The following ATE1 variants were observed in gnomAD, a reference collection of about 807,000 sequenced individuals.
ATE1 encodes arginyltransferase 1.
In ATE1, 36 loss-of-function variants were observed where a neutral mutation model predicts 70.5. The ratio of observed to expected loss-of-function variants is 0.51; its 90% CI spans 0.39 to 0.67. The LOEUF is 0.67. ATE1 is among the 30% of genes least tolerant of loss of function. The pLI is 0.00. For missense variants in ATE1, 593 were observed against 629.5 expected (o/e 0.94, Z 0.62); for synonymous variants, 232 against 219.3 (o/e 1.06, Z -0.51).
intron 10 of ATE1, among the ~76,000 whole-genome samples, chr10:121,819,218 C>T (rs774228125): frequency 4.0e-4 from 61 of 152,166 alleles, no homozygotes; most frequent in Non-Finnish European, 6.2e-4. Flanking sequence ...GAATATCATT[C>T]TCTTGGAATG....
intron 10 of ATE1, among the ~76,000 whole-genome samples, chr10:121,812,501 A>C (rs1947366196): frequency 6.6e-6 from 1 of 152,170 alleles, no homozygotes; most frequent in Non-Finnish European, 1.5e-5. Context: ...TGGCCTATCA[A>C]GGTAGTCAGG....
intron 11 of ATE1, among the ~76,000 whole-genome samples, chr10:121,786,546 G>A (rs1381401494): frequency 2.6e-5 from 4 of 151,890 alleles, no homozygotes; most frequent in African/African-American, 9.7e-5. Flanking sequence ...ATGTGCACCT[G>A]TAGTCCCAGC....
rs560493840 is a variant in ATE1 at position 121,749,488 on chromosome 10, A to T, written c.1379-5630T>A. Among the ~76,000 whole-genome samples the T allele has an allele frequency of 9.2e-5, 14 of 152,336 alleles. No individual in the cohort carries two copies. In the South Asian group the frequency reaches 2.9e-3, roughly 32 times the overall value. Reference sequence around the variant, plus strand: ...GCAGTACTTTAGAAAAAGGAAACACAGATCAACAAGACATACAGTGATAGA... The same window carrying T: ...GCAGTACTTTAGAAAAAGGAAACACTGATCAACAAGACATACAGTGATAGA... On this transcript the variant is annotated intron_variant, in intron 11 of 11. Transcript: ENST00000224652.
chr10:121,788,512 A>G (rs1260284981), intron 11 of ATE1, among the ~76,000 whole-genome samples: 1 of 152,196 alleles, frequency 6.6e-6, no homozygotes, highest in Non-Finnish European at 1.5e-5. Flanking sequence ...GTAACAAAAT[A>G]CATTACATGG....
At chr10:121,827,837 C>T (rs530577168) in intron 10 of ATE1, among the ~76,000 whole-genome samples, 2 of 152,124 alleles carry the variant, frequency 1.3e-5, no homozygotes, top group African/African-American at 4.8e-5. Flanking sequence ...TATTGAAAAC[C>T]CATAAACAAT....
chr10:121,752,450 C>T (rs1055180417), intron 11 of ATE1, among the ~76,000 whole-genome samples: 1 of 151,804 alleles, frequency 6.6e-6, no homozygotes, highest in Non-Finnish European at 1.5e-5. Context: ...ATGATGGTCT[C>T]GATCTCCTGA....
intron 11 of ATE1, among the ~76,000 whole-genome samples, chr10:121,776,972 G>A (rs540725654): frequency 3.3e-5 from 5 of 152,284 alleles, no homozygotes; most frequent in South Asian, 4.1e-4. Context: ...CACTAACTTG[G>A]GTGTTCTGGA....
chr10:121,898,899 T>A (rs928179878), intron 7 of ATE1: 1 of 1,613,968 alleles, frequency 6.2e-7, no homozygotes, highest in African/African-American at 1.3e-5. Flanking sequence ...ATACTTGACA[T>A]ACAAAGAAAA....
At chr10:121,767,015 T>C (rs1356465328) in intron 11 of ATE1, among the ~76,000 whole-genome samples, 1 of 152,146 alleles carries the variant, frequency 6.6e-6, no homozygotes, top group East Asian at 1.9e-4. Flanking sequence ...TGAACACAGA[T>C]GTAGAAGTCC....
intron 6 of ATE1, 48 bp downstream of exon 6, chr10:121,902,343 A>G: frequency 1.3e-6 from 2 of 1,521,924 alleles, no homozygotes; most frequent in Non-Finnish European, 1.8e-6. Flanking sequence ...ATATGCCCAA[A>G]CAAAAAAAAA....
At chr10:121,857,043 T>G (rs139483503) in intron 8 of ATE1, among the ~76,000 whole-genome samples, 186 of 152,368 alleles carry the variant, frequency 1.2e-3, no homozygotes, top group African/African-American at 4.2e-3. Context: ...TTATTTATAG[T>G]AAAACATCCA....
intron 10 of ATE1, among the ~76,000 whole-genome samples, chr10:121,819,257 T>C (rs1020454140): frequency 2.0e-5 from 3 of 152,190 alleles, no homozygotes; most frequent in African/African-American, 7.2e-5. Flanking sequence ...TTTCTGATCC[T>C]TTTACTCTAA....
intron 7 of ATE1, among the ~76,000 whole-genome samples, chr10:121,873,308 C>A (rs571844545): frequency 6.6e-6 from 1 of 152,096 alleles, no homozygotes; most frequent in African/African-American, 2.4e-5. Flanking sequence ...GGCATCAGTA[C>A]CATTTTCAAA....
At chr10:121,894,428 T>A (rs1950697210) in intron 7 of ATE1, among the ~76,000 whole-genome samples, 1 of 152,078 alleles carries the variant, frequency 6.6e-6, no homozygotes, top group African/African-American at 2.4e-5. Context: ...CAAACAAGAA[T>A]CACAACATGG....
intron 10 of ATE1, among the ~76,000 whole-genome samples, chr10:121,816,836 AAAG>A (rs1436657169): frequency 1.3e-5 from 2 of 152,222 alleles, no homozygotes; most frequent in Non-Finnish European, 2.9e-5. Flanking sequence ...TTTCATCTAA[AAAG>A]AAGCCTTTCA....
chr10:121,913,781 C>T lies in ATE1; in HGVS notation c.337+9G>A, dbSNP rs1470749110. 2 of 1,585,902 alleles carry T rather than the reference C, an allele frequency of 1.3e-6. No homozygotes were observed. The highest frequency in any genetic ancestry group is 2.2e-5 in the South Asian group (2 of 89,396). ...ATAGTAAATCGTTTTTAGACCCAGC[C>T]CATCTTACCCTCACAACTTCCTTTG... On this transcript the variant is annotated intron_variant, in intron 4 of 11. Coordinates refer to ENST00000224652, the MANE Select transcript of ATE1 (RefSeq NM_001001976.3).
At chr10:121,829,213 A>C (rs1379303383) in intron 10 of ATE1, among the ~76,000 whole-genome samples, 4 of 152,120 alleles carry the variant, frequency 2.6e-5, no homozygotes, top group Non-Finnish European at 4.4e-5. Flanking sequence ...GCACAAGGTC[A>C]AGAGATCGAG....
At chr10:121,876,727 G>A (rs1289638713) in intron 7 of ATE1, among the ~76,000 whole-genome samples, 1 of 152,180 alleles carries the variant, frequency 6.6e-6, no homozygotes, top group African/African-American at 2.4e-5. Context: ...AGCACTTTGG[G>A]AGGCCGAGGC....
At chr10:121,839,316 C>T (rs57372241) in intron 9 of ATE1, among the ~76,000 whole-genome samples, 13,049 of 152,098 alleles carry the variant, frequency 0.086, 1,770 homozygotes, top group African/African-American at 0.29. Context: ...GTTTATTGAG[C>T]CATGAAATAT....
Sources: allele counts gnomAD v4.1 joint callset (sites outside exome capture counted in the v4.1 genomes callset), GRCh38; gene constraint gnomAD v4.1.1; transcripts MANE v1.5; gene names NCBI Gene and HGNC (gene_info 2026-07-23, HGNC 2026-07-21).